Variants in OSBP2 observed in about 807,000 individuals in gnomAD.
OSBP2 encodes oxysterol-binding protein 2.
A neutral mutation model predicts 96.0 loss-of-function variants in OSBP2; 66 were observed. The ratio of observed to expected loss-of-function variants is 0.69; its 90% CI spans 0.56 to 0.84. OSBP2 has a LOEUF of 0.84. OSBP2 is among the 40% of genes least tolerant of loss of function. OSBP2 has a pLI of 0.00. For missense variants in OSBP2, 1,038 were observed against 1,222.7 expected, an observed-to-expected ratio of 0.85 and a Z score of 2.25; for synonymous variants, 525 against 520.9, an observed-to-expected ratio of 1.01 and a Z score of -0.11.
intron 1 of OSBP2, among the ~76,000 whole-genome samples, chr22:30,702,031 A>G (rs1257416417): frequency 1.3e-5 from 2 of 151,996 alleles, no homozygotes; most frequent in African/African-American, 4.8e-5. Context: ...TCCCCACCAA[A>G]CCTGCCTCCC....
At chr22:30,699,069 G>A (rs1233514141) in intron 1 of OSBP2, among the ~76,000 whole-genome samples, 1 of 152,090 alleles carries the variant, frequency 6.6e-6, no homozygotes, top group East Asian at 1.9e-4. Flanking sequence ...AGCCTCCTGA[G>A]TAGCTGGGAT....
chr22:30,866,599 T>C (rs2039344461), intron 2 of OSBP2, among the ~76,000 whole-genome samples: 1 of 152,154 alleles, frequency 6.6e-6, no homozygotes, highest in African/African-American at 2.4e-5. Context: ...TAGCCAGGCA[T>C]GGTGGCGCAC....
At chr22:30,820,605 G>C (rs2038253299) in intron 2 of OSBP2, among the ~76,000 whole-genome samples, 1 of 152,136 alleles carries the variant, frequency 6.6e-6, no homozygotes, top group African/African-American at 2.4e-5. Context: ...CAAGTCACTT[G>C]ACCTCAGAGC....
rs754890196 is a variant in OSBP2, at chr22:30,906,016, G to T, written c.2555G>T (p.Arg852Leu). Residue 852 changes from arginine (R) to leucine (L), a missense_variant, in exon 13 of 14, where the codon CGG (arginine) becomes CTG (leucine). By Grantham distance (102) the Arg-to-Leu change is moderately radical (BLOSUM62 -2). Around this residue, in one of 3 missense-constraint regions of OSBP2, gnomAD observed 737 missense variants for 913.3 expected, o/e 0.81. Coordinates refer to ENST00000332585, the MANE Select transcript of OSBP2 (RefSeq NM_030758.4). ...CTGGAGGAGAAGCAGCGCCTGTCGCGGCGCCGGCGGCTGGAGGCCTGCGGG... is the reference window on the plus strand; with the variant it reads ...CTGGAGGAGAAGCAGCGCCTGTCGCTGCGCCGGCGGCTGGAGGCCTGCGGG... ...QRLEEKQRLSRRRRLEACGPG... is the reference protein window; with the variant it reads ...QRLEEKQRLSLRRRLEACGPG... 3 of 1,575,866 alleles carry T rather than the reference G, an allele frequency of 1.9e-6. No individual in the cohort carries two copies. The highest frequency in any genetic ancestry group is 2.6e-6 in the Non-Finnish European group (3 of 1,162,008).
At chr22:30,815,154 G>A (rs979778662) in intron 2 of OSBP2, among the ~76,000 whole-genome samples, 5 of 152,220 alleles carry the variant, frequency 3.3e-5, no homozygotes, top group Admixed American at 1.3e-4. Context: ...ATGGTGGCAC[G>A]TACCTATAGT....
At chr22:30,902,512 G>T in intron 12 of OSBP2, 1 of 1,524,492 alleles carries the variant, frequency 6.6e-7, no homozygotes, top group South Asian at 1.1e-5. Context: ...CGAAGCTTCA[G>T]GGATGACTTC....
Position 30,709,771 on chromosome 22 carries a change from C to G in OSBP2, c.644+14218C>G, listed in dbSNP as rs150584165. Among the ~76,000 whole-genome samples the G allele has an allele frequency of 1.8e-4, 28 of 152,142 alleles. No individual in the cohort carries two copies. In the East Asian group the frequency reaches 5.2e-3, roughly 28 times the overall value. ...AGGCTGGTTTGTGAACTCCTGGGCT[C>G]AAGTGAGCCCACACTTGGCTTCCCA... On this transcript the variant is annotated intron_variant, in intron 1 of 13. Transcript: ENST00000332585.
Position 30,871,992 on chromosome 22 carries a change from G to A in OSBP2, c.1107+1310G>A, listed in dbSNP as rs551313962. ...CTGGGCGAGGTGTGCCCCCCTTCCC[G>A]ACTGCTGGGAAACTCAGCCTGCAGG... is the stretch of plus-strand genomic sequence containing the variant. On this transcript the variant is annotated intron_variant, in intron 3 of 13. Transcript: ENST00000332585. The surrounding 1 kb of genome is among the most constrained non-coding windows in gnomAD (Gnocchi z 4.7). Among the ~76,000 whole-genome samples the A allele has an allele frequency of 6.6e-6, 1 of 152,346 alleles. No individual in the cohort carries two copies. The highest frequency in any genetic ancestry group is 1.5e-5 in the Non-Finnish European group (1 of 68,018).
chr22:30,876,810 G>C (rs2039590860), intron 3 of OSBP2, among the ~76,000 whole-genome samples: 1 of 152,146 alleles, frequency 6.6e-6, no homozygotes, highest in Non-Finnish European at 1.5e-5. Flanking sequence ...CAAGGCTGAG[G>C]GGCTCAGGAT....
intron 2 of OSBP2, among the ~76,000 whole-genome samples, chr22:30,748,368 G>T (rs1039172518): frequency 2.0e-5 from 3 of 152,036 alleles, no homozygotes; most frequent in Admixed American, 6.6e-5. Context: ...ACTGCACCTG[G>T]CCTAAACTAA....
intron 12 of OSBP2, chr22:30,902,174 T>A: frequency 1.5e-6 from 1 of 668,242 alleles, no homozygotes; most frequent in Non-Finnish European, 2.5e-6. Context: ...ACGGCAGTAC[T>A]GGTGGCCATG....
chr22:30,812,458 G>A (rs755425403), intron 2 of OSBP2, among the ~76,000 whole-genome samples: 6 of 152,146 alleles, frequency 3.9e-5, no homozygotes, highest in Non-Finnish European at 5.9e-5. Context: ...GAGCCATCAC[G>A]CCTGGCCTCA....
upstream of OSBP2, chr22:30,694,020 T>C: frequency 6.5e-7 from 1 of 1,536,458 alleles, no homozygotes; most frequent in Non-Finnish European, 8.8e-7. Flanking sequence ...TTAACCATTC[T>C]GGGGTCACAG....
At chr22:30,744,833 A>T (rs182454417) in intron 2 of OSBP2, among the ~76,000 whole-genome samples, 1 of 152,330 alleles carries the variant, frequency 6.6e-6, no homozygotes, top group Non-Finnish European at 1.5e-5. Context: ...CTTAGCAGAC[A>T]TATACAAAAC....
At position 30,870,690 on chromosome 22, in the gene OSBP2, C is replaced by T; in HGVS notation, c.1107+8C>T. The T allele has an allele frequency of 1.2e-6, 2 of 1,608,626 alleles. No homozygotes were observed. The highest frequency in any genetic ancestry group is 1.3e-5 in the African/African-American group (1 of 74,952). ...TCCAATGCTATGATCAACGTGAGTA[C>T]CCACCCCCACCGCCCTGGCACGGGG... On this transcript the variant is annotated splice_region_variant and intron_variant, in intron 3 of 13. Transcript: ENST00000332585. The surrounding 1 kb of genome is among the most constrained non-coding windows in gnomAD (Gnocchi z 4.1).
intron 2 of OSBP2, among the ~76,000 whole-genome samples, chr22:30,812,483 G>A (rs1303613667): frequency 1.3e-5 from 2 of 152,124 alleles, no homozygotes; most frequent in African/African-American, 2.4e-5. Flanking sequence ...TTAAAGAACA[G>A]CATAGAATTC....
At chr22:30,861,821 G>C (rs1301707594) in intron 2 of OSBP2, among the ~76,000 whole-genome samples, 1 of 152,168 alleles carries the variant, frequency 6.6e-6, no homozygotes, top group Non-Finnish European at 1.5e-5. Flanking sequence ...TGCTCCCAGG[G>C]GCCCTCGCCG....
intron 2 of OSBP2, among the ~76,000 whole-genome samples, chr22:30,751,036 C>T (rs918052908): frequency 1.4e-4 from 22 of 152,120 alleles, no homozygotes; most frequent in African/African-American, 4.8e-4. Flanking sequence ...CCACTGCACC[C>T]GGCCTCTATT....
intron 2 of OSBP2, among the ~76,000 whole-genome samples, chr22:30,752,124 A>C (rs1236003970): frequency 7.2e-5 from 11 of 152,142 alleles, no homozygotes; most frequent in Admixed American, 1.3e-4. Context: ...AGCGGCACCC[A>C]GCCACCTCTG....
Sources: allele counts gnomAD v4.1 joint callset (sites outside exome capture counted in the v4.1 genomes callset), GRCh38; gene constraint gnomAD v4.1.1; regional missense constraint gnomAD v4.1.1; non-coding constraint Gnocchi (gnomAD v3.1); transcripts MANE v1.5; gene names NCBI Gene and HGNC (gene_info 2026-07-23, HGNC 2026-07-21).